Variants in OTULIN observed in about 807,000 individuals in gnomAD.
The protein encoded by OTULIN is ubiquitin thioesterase otulin.
OTULIN carries 15 observed loss-of-function variants against 39.6 expected under a neutral mutation model. The ratio of observed to expected loss-of-function variants is 0.38; its 90% confidence interval spans 0.25 to 0.58. OTULIN has a LOEUF of 0.58. Ranked by LOEUF, OTULIN falls within the 20% of genes least tolerant of loss-of-function variation. The probability of loss-of-function intolerance (pLI) is 0.66; values close to 1 mark genes in which losing one functional copy is unlikely to be tolerated. For missense variants in OTULIN, 319 were observed against 445.9 expected (o/e 0.72, Z 2.56); for synonymous variants, 156 against 170.3 (o/e 0.92, Z 0.65).
Position 14,687,506 on chromosome 5 carries a change from T to G in OTULIN, c.469-15T>G. ...TGTTAACACTTCTTTATCTCTTTGTTTCTCGATGTTGTAGTTACCAGAAAA... is the reference window on the plus strand; with the variant it reads ...TGTTAACACTTCTTTATCTCTTTGTGTCTCGATGTTGTAGTTACCAGAAAA... On this transcript the variant is annotated splice_polypyrimidine_tract_variant and intron_variant, in intron 4 of 6. Transcript: ENST00000284274. 6.2e-7 allele frequency: 1 copy of G among 1,608,660 alleles called. No individual in the cohort carries two copies. Among genetic ancestry groups the G allele is most frequent in the African/African-American group, 1.3e-5 (1 of 74,422 alleles).
chr5:14,672,588 G>T (rs563121158), intron 1 of OTULIN, among the ~76,000 whole-genome samples: 2 of 152,234 alleles, frequency 1.3e-5, no homozygotes, highest in Non-Finnish European at 2.9e-5. Context: ...CATGAGGCAG[G>T]AGTATGGGGA....
chr5:14,673,716 C>A lies in OTULIN; in HGVS notation c.227C>A (p.Ser76Ter). 1.2e-6 allele frequency: 2 copies of A among 1,613,028 alleles called. No individual in the cohort carries two copies. The highest frequency in any genetic ancestry group is 1.7e-6 in the Non-Finnish European group (2 of 1,179,350). The change falls in exon 2 of 7, where the codon TCA (serine) becomes TAA (stop). Residue 76 changes from serine to a stop codon, truncating the protein, a stop_gained and splice_region_variant. Coordinates refer to ENST00000284274, the MANE Select transcript of OTULIN (RefSeq NM_138348.6). LOFTEE classifies it high-confidence loss of function. ...TTGCTTATACATGAAAGAGGGGCAT[C>A]AGGTATGTTTGGAATTGTTTTATTT... ...KELLIHERGA[S>*]EPRLSVAPEM... is the part of the protein sequence containing the mutation.
downstream of OTULIN, among the ~76,000 whole-genome samples, chr5:14,703,092 G>A (rs1024030117): frequency 6.6e-5 from 10 of 152,108 alleles, no homozygotes; most frequent in Non-Finnish European, 1.0e-4. Context: ...ATCCAGAGGC[G>A]TCTAGTCACT....
At position 14,673,646 on chromosome 5, in the gene OTULIN, G is replaced by A; in HGVS notation, c.157G>A (p.Glu53Lys). Residue 53 changes from glutamate to lysine, a missense_variant, in exon 2 of 7, where the codon GAG becomes AAG. Transcript: ENST00000284274. ...TCTGCTTTGGTGTAATTTCAGTGAG[G>A]AGGACATGTACCGTGCTGCAGATGA... is the stretch of plus-strand genomic sequence containing the variant. ...PEMQCPAEHE[E>K]DMYRAADEIE... 1 of 1,611,900 alleles carries A rather than the reference G, an allele frequency of 6.2e-7. No homozygotes were observed. The highest frequency in any genetic ancestry group is 8.5e-7 in the Non-Finnish European group (1 of 1,179,126).
At chr5:14,701,205 C>A (rs568977066), downstream of OTULIN, among the ~76,000 whole-genome samples, 3 of 152,358 alleles carry the variant, frequency 2.0e-5, no homozygotes, top group Non-Finnish European at 4.4e-5. Flanking sequence ...TTGACCAAGG[C>A]AGCTCCTGGG....
chr5:14,672,126 G>C (rs1265700694), intron 1 of OTULIN, among the ~76,000 whole-genome samples: 1 of 152,190 alleles, frequency 6.6e-6, no homozygotes, highest in East Asian at 1.9e-4. Flanking sequence ...GTTTGGCAGG[G>C]GGCAGGTCAG....
chr5:14,679,882 A>T (rs1736202756), intron 3 of OTULIN, among the ~76,000 whole-genome samples: 1 of 151,956 alleles, frequency 6.6e-6, no homozygotes, highest in African/African-American at 2.4e-5. Flanking sequence ...GCCAGAGGTT[A>T]AGAACATTTA....
intron 4 of OTULIN, among the ~76,000 whole-genome samples, chr5:14,686,995 G>A (rs1288705658): frequency 6.6e-6 from 1 of 152,200 alleles, no homozygotes; most frequent in African/African-American, 2.4e-5. Context: ...TAAAACTTGA[G>A]TATATGTGTT....
chr5:14,673,805 A>G (rs1382088320), intron 2 of OTULIN, 87 bp downstream of exon 2: 3 of 1,086,296 alleles, frequency 2.8e-6, no homozygotes, highest in African/African-American at 1.6e-5. Flanking sequence ...TTCATAAAAT[A>G]TCAATAAAAT....
Position 14,672,476 on chromosome 5 carries a change from G to T in OTULIN, c.153-1166G>T, listed in dbSNP as rs574140742. On this transcript the variant is annotated intron_variant, in intron 1 of 6. Coordinates refer to ENST00000284274, the MANE Select transcript of OTULIN (RefSeq NM_138348.6). The stretch of plus-strand genomic sequence containing the variant: ...GGGTGATGAGGGAATTGGGGGTAGG[G>T]ATATCTCAGTCATTCACTGAATATT... Among the ~76,000 whole-genome samples, 36 of 152,142 alleles carry T rather than the reference G, an allele frequency of 2.4e-4. 1 individual carries two copies. The East Asian group carries it at 7.0e-3, about 29-fold the overall frequency.
At chr5:14,687,754 C>T (rs940398346) in intron 5 of OTULIN, 108 bp downstream of exon 5, 26 of 1,392,918 alleles carry the variant, frequency 1.9e-5, no homozygotes, top group Middle Eastern at 1.9e-4. Context: ...ATGCTCTTGG[C>T]TGATTTTTAG....
chr5:14,697,121 C>T lies in OTULIN; in HGVS notation c.*4073C>T, dbSNP rs1007390876. The T allele has an allele frequency of 6.6e-5, 10 of 152,208 alleles. No homozygotes were observed. The highest frequency in any genetic ancestry group is 2.4e-4 in the African/African-American group (10 of 41,396). The allele number at this position is 152,208 out of a possible 1,614,324, so 9.4% of individuals were successfully genotyped here. The stretch of plus-strand genomic sequence containing the variant: ...CAGCATACCTTTATGTGCATGTGTC[C>T]TCGCAGCTTGGGACTCAGCAGTATT... On this transcript the variant is annotated 3_prime_UTR_variant, in exon 7 of 7. Transcript: ENST00000284274.
At chr5:14,671,062 TC>T (rs1190916590) in intron 1 of OTULIN, among the ~76,000 whole-genome samples, 1 of 152,224 alleles carries the variant, frequency 6.6e-6, no homozygotes, top group Non-Finnish European at 1.5e-5. Flanking sequence ...TCCAGTAATT[TC>T]CCGTTCAGCT....
At chr5:14,716,496 A>C in the OTULIN span, among the ~76,000 whole-genome samples, 4 of 126,640 alleles carry the variant, frequency 3.2e-5, no homozygotes, top group Non-Finnish European at 7.2e-5. Context: ...TGTCTCCAAT[A>C]AATAAATAAA....
Position 14,694,639 on chromosome 5 carries a change from CTGT to C in OTULIN, c.*1593_*1595del, listed in dbSNP as rs1307721565. 1 of 152,582 alleles carries C rather than the reference CTGT, an allele frequency of 6.6e-6. No homozygotes were observed. 9.5% of individuals were successfully genotyped at this position (152,582 alleles called of 1,614,324 possible). ...CTCAGGATGCACAAAACTATTCAGA[CTGT>C]TACTTTAGCTTTCTCCCATTACCTC... On this transcript the variant is annotated 3_prime_UTR_variant, in exon 7 of 7. Coordinates refer to ENST00000284274, the MANE Select transcript of OTULIN (RefSeq NM_138348.6).
rs751757853 is a variant in OTULIN at position 14,681,448 on chromosome 5, T to C, written c.325-16T>C. 1.3e-6 allele frequency: 2 copies of C among 1,596,646 alleles called. No individual in the cohort carries two copies. The highest frequency in any genetic ancestry group is 1.7e-6 in the Non-Finnish European group (2 of 1,173,430). On this transcript the variant is annotated splice_polypyrimidine_tract_variant and intron_variant, in intron 3 of 6. Transcript: ENST00000284274. ...TCAGTAACGACCATTTTGAATTCTT[T>C]CATACCTTTTCCCAGGGCTATGAAG...
At chr5:14,709,903 T>G in the OTULIN span, 1 of 152,602 alleles carries the variant, frequency 6.6e-6, no homozygotes, top group African/African-American at 2.4e-5. Context: ...CAGCATATAT[T>G]TATATCTTTA....
intron 2 of OTULIN, among the ~76,000 whole-genome samples, chr5:14,677,817 A>C (rs1272033738): frequency 1.3e-5 from 2 of 152,174 alleles, no homozygotes; most frequent in East Asian, 3.8e-4. Flanking sequence ...AATTTTTGTT[A>C]TAGTAGGTGT....
intron 3 of OTULIN, 72 bp downstream of exon 3, chr5:14,678,847 A>G (rs1736173273): frequency 9.9e-7 from 1 of 1,007,004 alleles, no homozygotes; most frequent in Non-Finnish European, 1.5e-6. Context: ...ATGTCATTTG[A>G]TATTTTTAGA....
Sources: allele counts gnomAD v4.1 joint callset (sites outside exome capture counted in the v4.1 genomes callset), GRCh38; gene constraint gnomAD v4.1.1; transcripts MANE v1.5; gene names NCBI Gene and HGNC (gene_info 2026-07-23, HGNC 2026-07-21).